The following DDX46 variants were observed in gnomAD, a reference collection of about 807,000 sequenced individuals.
DDX46 encodes probable ATP-dependent RNA helicase DDX46.
DDX46 carries 30 observed loss-of-function variants against 134.9 expected under a neutral mutation model. The ratio of observed to expected loss-of-function variants is 0.22; its 90% CI spans 0.17 to 0.30. DDX46 has a LOEUF of 0.30. Among genes scored for constraint, DDX46 ranks in the 10% least tolerant of loss-of-function variants. The probability of loss-of-function intolerance (pLI) is 1.00; values close to 1 mark genes in which losing one functional copy is unlikely to be tolerated. For synonymous variants in DDX46, 415 were observed against 404.1 expected, an observed-to-expected ratio of 1.03 and a Z score of -0.32; for missense variants, 622 against 1,248.7, an observed-to-expected ratio of 0.50 and a Z score of 7.56.
chr5:134,810,527 G>C (rs991945485), intron 16 of DDX46, among the ~76,000 whole-genome samples: 2 of 151,232 alleles, frequency 1.3e-5, no homozygotes, highest in Non-Finnish European at 2.9e-5. Flanking sequence ...GTTTTTAGTA[G>C]AGATGGGGTT....
chr5:134,795,048 T>A lies in DDX46; in HGVS notation c.1791+34T>A, dbSNP rs769100056. The stretch of plus-strand genomic sequence containing the variant: ...CATCTTTAGGAAATTCCCAGTTTCC[T>A]TGATACTTAGGTGGTATGTATGATT... On this transcript the variant is annotated intron_variant, in intron 14 of 22. Transcript: ENST00000452510. 3.7e-6 allele frequency: 6 copies of A among 1,610,538 alleles called. No individual in the cohort carries two copies. The South Asian group carries it at 6.6e-5, about 18-fold the overall frequency.
intron 18 of DDX46, among the ~76,000 whole-genome samples, chr5:134,814,214 G>A (rs1211284181): frequency 6.6e-6 from 1 of 151,944 alleles, no homozygotes; most frequent in Non-Finnish European, 1.5e-5. Context: ...TTTATCATAG[G>A]TATGTATGTA....
intron 3 of DDX46, among the ~76,000 whole-genome samples, chr5:134,769,697 C>T (rs981743328): frequency 8.6e-5 from 13 of 152,008 alleles, no homozygotes; most frequent in Non-Finnish European, 1.6e-4. Context: ...CAGGCGCCTG[C>T]CACCAAGCCC....
At chr5:134,809,602 C>G (rs1042644774) in intron 16 of DDX46, among the ~76,000 whole-genome samples, 4 of 152,036 alleles carry the variant, frequency 2.6e-5, no homozygotes, top group Non-Finnish European at 5.9e-5. Context: ...GTCTCGATCT[C>G]CTGACCTCGT....
At chr5:134,805,622 A>G (rs1315724037) in intron 15 of DDX46, among the ~76,000 whole-genome samples, 1 of 151,052 alleles carries the variant, frequency 6.6e-6, no homozygotes, top group African/African-American at 2.4e-5. Context: ...TCCACCTCCC[A>G]GGTTCAAGCA....
rs201278461 is a variant in DDX46 at position 134,764,763 on chromosome 5, C to CT, written c.206+681dup. 3.8e-3 allele frequency among the ~76,000 whole-genome samples: 556 copies of CT among 147,416 alleles called. 3 individuals are homozygous for CT. Among genetic ancestry groups the CT allele is most frequent in the Admixed American group, 5.2e-3 (76 of 14,682 alleles). ...CTGACCAAGGTGTTAATTTTCTTTC[C>CT]TTTTTTTTTTGCCACCCTTGTTGAA... is the stretch of plus-strand genomic sequence containing the variant. On this transcript the variant is annotated intron_variant, in intron 2 of 22. Coordinates refer to ENST00000452510, the MANE Select transcript of DDX46 (RefSeq NM_001300860.2).
At chr5:134,780,024 G>A (rs1048038111) in intron 6 of DDX46, among the ~76,000 whole-genome samples, 1 of 151,172 alleles carries the variant, frequency 6.6e-6, no homozygotes, top group Non-Finnish European at 1.5e-5. Context: ...GCTTGAACTG[G>A]GAGCAATTAG....
chr5:134,805,054 G>A, intron 15 of DDX46: 1 of 334,656 alleles, frequency 3.0e-6, no homozygotes, highest in Non-Finnish European at 5.9e-6. Flanking sequence ...CTATTACCAG[G>A]GATTCCAGAC....
chr5:134,765,485 G>A (rs546399231), intron 2 of DDX46, among the ~76,000 whole-genome samples: 1 of 152,090 alleles, frequency 6.6e-6, no homozygotes, highest in South Asian at 2.1e-4. Flanking sequence ...CCTGGGAGGT[G>A]GAGGTTGTAG....
chr5:134,781,201 TAAG>T lies in DDX46; in HGVS notation c.840_842del (p.Lys281del), dbSNP rs1754143465. ...CCAAAAAAGCAGTTGTGGATTCTGATAAGAAGAAAGGTGAGCTGATGGAGAATG... is the reference window on the plus strand; with the variant it reads ...CCAAAAAAGCAGTTGTGGATTCTGATAAGAAAGGTGAGCTGATGGAGAATG... On this transcript the variant is annotated inframe_deletion, in exon 7 of 23. Coordinates refer to ENST00000452510, the MANE Select transcript of DDX46 (RefSeq NM_001300860.2). 1 of 1,604,260 alleles carries T rather than the reference TAAG, an allele frequency of 6.2e-7. No homozygotes were observed. The highest frequency in any genetic ancestry group is 8.5e-7 in the Non-Finnish European group (1 of 1,177,932).
In DDX46 at chr5:134,766,906, C is replaced by A. The variant is rs771465611; in HGVS notation, c.207-11C>A. 2 of 1,605,184 alleles carry A rather than the reference C, an allele frequency of 1.2e-6. No individual in the cohort carries two copies. The highest frequency in any genetic ancestry group is 1.1e-5 in the South Asian group (1 of 89,314). ...TGGTCATAGAATAAATGAAAAGTGTCCCCCTTTCAGACGTTCCAGAAGTAG... is the reference window on the plus strand; with the variant it reads ...TGGTCATAGAATAAATGAAAAGTGTACCCCTTTCAGACGTTCCAGAAGTAG... On this transcript the variant is annotated splice_polypyrimidine_tract_variant and intron_variant, in intron 2 of 22. Coordinates refer to ENST00000452510, the MANE Select transcript of DDX46 (RefSeq NM_001300860.2).
intron 3 of DDX46, among the ~76,000 whole-genome samples, chr5:134,767,384 G>A: frequency 6.6e-6 from 1 of 152,050 alleles, no homozygotes; most frequent in East Asian, 1.9e-4. Flanking sequence ...TGTTGCCCAG[G>A]CTGGAGTGAA....
At chr5:134,784,876 A>G (rs1580791148) in intron 10 of DDX46, among the ~76,000 whole-genome samples, 1 of 152,216 alleles carries the variant, frequency 6.6e-6, no homozygotes, top group Non-Finnish European at 1.5e-5. Context: ...TAAAAGCGAC[A>G]TGGAAGATAT....
chr5:134,802,816 A>G (rs928251230), intron 15 of DDX46, among the ~76,000 whole-genome samples: 3 of 152,060 alleles, frequency 2.0e-5, no homozygotes, highest in African/African-American at 7.2e-5. Flanking sequence ...CTGTTTGCAT[A>G]CTGGACTTTG....
chr5:134,800,541 C>T, intron 15 of DDX46, among the ~76,000 whole-genome samples: 2 of 152,128 alleles, frequency 1.3e-5, no homozygotes, highest in Non-Finnish European at 2.9e-5. Context: ...GCAGAATATA[C>T]CATAATCAGG....
rs528538962 is a variant in DDX46, at chr5:134,799,945, G to A, written c.1954+3795G>A. On this transcript the variant is annotated intron_variant, in intron 15 of 22. Coordinates refer to ENST00000452510, the MANE Select transcript of DDX46 (RefSeq NM_001300860.2). ...TTATCTCTGTCCCTACCCCTCCAGA[G>A]TTAACCACTTTTACTTTTTTTAGAT... Among the ~76,000 whole-genome samples the A allele has an allele frequency of 8.5e-5, 13 of 152,168 alleles. No individual in the cohort carries two copies. The East Asian group carries it at 2.5e-3, about 29-fold the overall frequency.
intron 16 of DDX46, among the ~76,000 whole-genome samples, chr5:134,809,567 A>G (rs1755081959): frequency 1.3e-5 from 2 of 151,818 alleles, no homozygotes; most frequent in East Asian, 2.0e-4. Flanking sequence ...CGGGGTTTCT[A>G]CTAAAACCTG....
intron 12 of DDX46, 80 bp from the exon 13 acceptor site, chr5:134,790,390 T>C (rs1754466894): frequency 7.6e-7 from 1 of 1,322,358 alleles, no homozygotes; most frequent in Non-Finnish European, 1.0e-6. Flanking sequence ...TTACAGTTTT[T>C]AAAAGTTCTT....
intron 1 of DDX46, among the ~76,000 whole-genome samples, chr5:134,762,932 G>C (rs1025347021): frequency 6.6e-6 from 1 of 152,012 alleles, no homozygotes; most frequent in South Asian, 2.1e-4. Flanking sequence ...AATGGCGGAC[G>C]CCTATAGTCC....
Sources: allele counts gnomAD v4.1 joint callset (sites outside exome capture counted in the v4.1 genomes callset), GRCh38; gene constraint gnomAD v4.1.1; transcripts MANE v1.5; gene names NCBI Gene and HGNC (gene_info 2026-07-23, HGNC 2026-07-21).